Variants in OLFM2 observed in about 807,000 individuals in gnomAD.
OLFM2 encodes noelin-2.
OLFM2 carries 20 observed loss-of-function variants against 43.9 expected under a neutral mutation model. That is an observed-to-expected ratio of 0.46 (90% CI 0.32 to 0.66). The LOEUF (loss-of-function observed/expected upper bound fraction) is 0.66. Ranked by LOEUF, OLFM2 falls within the 30% of genes least tolerant of loss-of-function variation. OLFM2 has a pLI of 0.04. For missense variants in OLFM2, 416 were observed against 643.6 expected (o/e 0.65, Z 3.83); for synonymous variants, 268 against 278.6 (o/e 0.96, Z 0.38).
chr19:9,869,361 C>G (rs1366802786), intron 1 of OLFM2, among the ~76,000 whole-genome samples: 1 of 152,130 alleles, frequency 6.6e-6, no homozygotes. Context: ...TAGAGTAGGG[C>G]CAACTGGTAA....
intron 1 of OLFM2, among the ~76,000 whole-genome samples, chr19:9,893,171 C>CT (rs56099266): frequency 0.36 from 52,806 of 146,768 alleles, 11,603 homozygotes; most frequent in Admixed American, 0.52. Context: ...TTTTCTTTTT[C>CT]TTTTTTTTTT....
intron 1 of OLFM2, among the ~76,000 whole-genome samples, chr19:9,892,532 A>G (rs1430210788): frequency 6.6e-6 from 1 of 151,956 alleles, no homozygotes; most frequent in East Asian, 1.9e-4. Context: ...CCAACATGGC[A>G]AAACCCTGTC....
intron 1 of OLFM2, among the ~76,000 whole-genome samples, chr19:9,921,359 T>C (rs2086418627): frequency 6.6e-6 from 1 of 152,014 alleles, no homozygotes; most frequent in African/African-American, 2.4e-5. Context: ...GCTCAAGCGA[T>C]CCCCTTGCCT....
At chr19:9,874,461 C>G (rs1057109152) in intron 1 of OLFM2, among the ~76,000 whole-genome samples, 4 of 151,654 alleles carry the variant, frequency 2.6e-5, no homozygotes, top group Middle Eastern at 3.4e-3. Context: ...GCCATCATGC[C>G]CAGCCACCAC....
intron 1 of OLFM2, among the ~76,000 whole-genome samples, chr19:9,927,008 G>C (rs1041835937): frequency 2.0e-5 from 3 of 151,698 alleles, no homozygotes; most frequent in Non-Finnish European, 4.4e-5. Flanking sequence ...ATAAGGTCCA[G>C]CACGGTGGCT....
chr19:9,918,423 C>T (rs2086399457), intron 1 of OLFM2, among the ~76,000 whole-genome samples: 1 of 151,962 alleles, frequency 6.6e-6, no homozygotes, highest in South Asian at 2.1e-4. Flanking sequence ...AACTCTTGGG[C>T]TCAGGCAATC....
At chr19:9,934,449 G>T (rs6511284) in intron 1 of OLFM2, among the ~76,000 whole-genome samples, 41,112 of 151,932 alleles carry the variant, frequency 0.27, 6,662 homozygotes, top group African/African-American at 0.45. Context: ...TGCAATTCTG[G>T]CAGCAAACTC....
At chr19:9,884,517 C>T (rs565969855) in intron 1 of OLFM2, among the ~76,000 whole-genome samples, 103 of 152,254 alleles carry the variant, frequency 6.8e-4, no homozygotes, top group Middle Eastern at 3.4e-3. Flanking sequence ...GTGGAGGTTG[C>T]ACTGAGCCGA....
chr19:9,859,306 T>TTTAC (rs141270165), intron 2 of OLFM2, among the ~76,000 whole-genome samples: 3 of 21,264 alleles, frequency 1.4e-4, no homozygotes, highest in Non-Finnish European at 4.1e-4. Flanking sequence ...ATTTGTAAGT[T>TTTAC]TTATTTATTT....
At chr19:9,926,080 C>G (rs1231383552) in intron 1 of OLFM2, among the ~76,000 whole-genome samples, 1 of 151,548 alleles carries the variant, frequency 6.6e-6, no homozygotes, top group African/African-American at 2.4e-5. Flanking sequence ...GAGGTTGCAG[C>G]GAGCTGTGAT....
intron 1 of OLFM2, chr19:9,913,747 G>A (rs1264922297): frequency 6.5e-6 from 6 of 929,520 alleles, no homozygotes; most frequent in African/African-American, 1.8e-5. Flanking sequence ...CGCGAGCTGC[G>A]GGGCAGGGGG....
chr19:9,896,942 A>T (rs1357929521), intron 1 of OLFM2, among the ~76,000 whole-genome samples: 1 of 152,178 alleles, frequency 6.6e-6, no homozygotes, highest in African/African-American at 2.4e-5. Flanking sequence ...CTATAATCCT[A>T]GCAGTTTGAA....
chr19:9,862,451 C>T (rs1461878094), intron 1 of OLFM2, among the ~76,000 whole-genome samples: 1 of 151,664 alleles, frequency 6.6e-6, no homozygotes, highest in Admixed American at 6.6e-5. Flanking sequence ...GGGGGCGGAT[C>T]ACTGAAGGTC....
chr19:9,926,331 T>A (rs191982062), intron 1 of OLFM2, among the ~76,000 whole-genome samples: 2,311 of 151,784 alleles, frequency 0.015, 24 homozygotes, highest in Non-Finnish European at 0.025. Flanking sequence ...GGCGGGCGGA[T>A]CACGAGGTCG....
intron 1 of OLFM2, among the ~76,000 whole-genome samples, chr19:9,884,342 C>T (rs927685255): frequency 2.0e-5 from 3 of 150,822 alleles, no homozygotes; most frequent in African/African-American, 4.9e-5. Context: ...CTTTGGGAGG[C>T]TGAGGCAGGC....
rs539400930 is a variant in OLFM2, at chr19:9,860,817, G to C, written c.64-23C>G. Reference sequence around the variant, plus strand: ...AGTCTGCAAAGAGGTGGGGGTCAGAGACCGGAATCCCAGTGAGGGTCTCGC... The same window carrying C: ...AGTCTGCAAAGAGGTGGGGGTCAGACACCGGAATCCCAGTGAGGGTCTCGC... On this transcript the variant is annotated intron_variant, in intron 1 of 5. Transcript: ENST00000264833. 2.6e-5 allele frequency: 42 copies of C among 1,592,236 alleles called. No homozygotes were observed. In the East Asian group the frequency reaches 8.8e-4, roughly 33 times the overall value.
intron 1 of OLFM2, among the ~76,000 whole-genome samples, chr19:9,893,530 C>CG (rs1286144238): frequency 6.6e-6 from 1 of 152,088 alleles, no homozygotes; most frequent in East Asian, 1.9e-4. Flanking sequence ...GAGTGAACCC[C>CG]CCGTCTTGGA....
Position 9,936,442 on chromosome 19 carries a change from G to A in OLFM2, c.-76C>T. On this transcript the variant is annotated 5_prime_UTR_variant, in exon 1 of 6. Coordinates refer to ENST00000264833, the MANE Select transcript of OLFM2 (RefSeq NM_058164.4). The stretch of plus-strand genomic sequence containing the variant: ...CGGCGCGGGGACCGCCACCAGGCGC[G>A]ACCCCGCCCGCCCGGCCGGGGCGAC... 6 of 1,043,738 alleles carry A rather than the reference G, an allele frequency of 5.7e-6. No homozygotes were observed. The highest frequency in any genetic ancestry group is 6.9e-6 in the Non-Finnish European group (6 of 865,376). 64.7% of individuals were successfully genotyped at this position (1,043,738 alleles called of 1,614,324 possible).
intron 1 of OLFM2, among the ~76,000 whole-genome samples, chr19:9,906,071 G>A (rs1356339257): frequency 6.6e-6 from 1 of 152,236 alleles, no homozygotes; most frequent in South Asian, 2.1e-4. Flanking sequence ...GCTATGACAC[G>A]CTCTGACACA....
Sources: gnomAD v4.1 joint callset for allele counts (sites outside exome capture counted in the v4.1 genomes callset) on GRCh38, gnomAD v4.1.1 for gene constraint, MANE v1.5 for transcripts, NCBI Gene and HGNC (gene_info 2026-07-23, HGNC 2026-07-21) for gene names.